ADCY2: variants seen among roughly 807,000 people sequenced by gnomAD.
The protein encoded by ADCY2 is adenylate cyclase type 2.
Under a neutral mutation model 125.2 loss-of-function variants are expected in ADCY2, and 31 were observed. The ratio of observed to expected loss-of-function variants is 0.25; its 90% CI spans 0.19 to 0.33. The LOEUF is 0.33. Ranked by LOEUF, ADCY2 falls within the 10% of genes least tolerant of loss-of-function variation. The probability of loss-of-function intolerance (pLI) is 1.00; values close to 1 mark genes in which losing one functional copy is unlikely to be tolerated. For synonymous variants in ADCY2, 512 were observed against 548.4 expected (o/e 0.93, Z 0.93); for missense variants, 904 against 1,418.2 (o/e 0.64, Z 5.82).
At chr5:7,445,073 A>C (rs966910697) in intron 2 of ADCY2, among the ~76,000 whole-genome samples, 1 of 152,212 alleles carries the variant, frequency 6.6e-6, no homozygotes, top group Non-Finnish European at 1.5e-5. Context: ...GATGTTTTGC[A>C]TACAGAAGTT....
intron 2 of ADCY2, among the ~76,000 whole-genome samples, chr5:7,518,111 A>C (rs1744315517): frequency 6.6e-6 from 1 of 152,184 alleles, no homozygotes; most frequent in African/African-American, 2.4e-5. Context: ...AATACACAAC[A>C]ATTGATTTTC....
intron 3 of ADCY2, among the ~76,000 whole-genome samples, chr5:7,543,648 A>T (rs1735061887): frequency 6.6e-6 from 1 of 152,120 alleles, no homozygotes; most frequent in Non-Finnish European, 1.5e-5. Context: ...AGAGGTGCAT[A>T]TCATCTTAGA....
intron 3 of ADCY2, among the ~76,000 whole-genome samples, chr5:7,573,482 G>A (rs970820286): frequency 6.6e-6 from 1 of 151,296 alleles, no homozygotes; most frequent in Non-Finnish European, 1.5e-5. Context: ...GAAAAGATGT[G>A]TATGTGACTA....
intron 22 of ADCY2, among the ~76,000 whole-genome samples, chr5:7,805,488 G>A (rs1340483833): frequency 2.0e-5 from 3 of 152,094 alleles, no homozygotes; most frequent in Non-Finnish European, 4.4e-5. Context: ...CAGCATGTAT[G>A]TAGACATGCT....
chr5:7,707,609 T>G, intron 8 of ADCY2, 97 bp from the exon 9 acceptor site: 1 of 1,444,490 alleles, frequency 6.9e-7, no homozygotes, highest in Non-Finnish European at 9.5e-7. Context: ...CTAAGAACTT[T>G]AGTGGATAAA....
intron 20 of ADCY2, among the ~76,000 whole-genome samples, chr5:7,790,754 GACTCCAATACTGA>G (rs1186458403): frequency 4.6e-5 from 7 of 152,284 alleles, no homozygotes; most frequent in Non-Finnish European, 7.4e-5. Context: ...GAGTTTTGAA[GACTCCAATACTGA>G]AAGGGGAAAG....
intron 4 of ADCY2, among the ~76,000 whole-genome samples, chr5:7,630,795 T>C: frequency 6.6e-6 from 1 of 150,766 alleles, no homozygotes; most frequent in East Asian, 1.9e-4. Flanking sequence ...TGTCTTTTTT[T>C]TTTTTTTTTG....
chr5:7,709,507 C>G lies in ADCY2; in HGVS notation c.1578+120C>G. 8.2e-7 allele frequency: 1 copy of G among 1,214,528 alleles called. No individual in the cohort carries two copies. The allele number at this position is 1,214,528 out of a possible 1,614,324, so 75.2% of individuals were successfully genotyped here. On this transcript the variant is annotated intron_variant, in intron 10 of 24. Coordinates refer to ENST00000338316, the MANE Select transcript of ADCY2 (RefSeq NM_020546.3). This position sits in a 1 kb window ranked among gnomAD's most constrained non-coding sequence, Gnocchi z 4.4. ...CTGTAAGAAACAAACTTATCACCTTCTTCTTCTCAGAGAGGCCCTTATGAA... is the reference window on the plus strand; with the variant it reads ...CTGTAAGAAACAAACTTATCACCTTGTTCTTCTCAGAGAGGCCCTTATGAA...
intron 2 of ADCY2, among the ~76,000 whole-genome samples, chr5:7,421,831 C>A (rs1487080828): frequency 6.6e-6 from 1 of 152,142 alleles, no homozygotes; most frequent in Non-Finnish European, 1.5e-5. Context: ...CAGGTTGGTG[C>A]AAAAGTAATT....
intron 17 of ADCY2, among the ~76,000 whole-genome samples, chr5:7,769,557 T>C (rs1427946794): frequency 6.6e-6 from 1 of 152,238 alleles, no homozygotes; most frequent in Non-Finnish European, 1.5e-5. Context: ...TATTTTTATA[T>C]ATATCCTTTC....
chr5:7,601,571 G>A (rs1000185216), intron 3 of ADCY2, among the ~76,000 whole-genome samples: 3 of 152,132 alleles, frequency 2.0e-5, no homozygotes, highest in African/African-American at 7.2e-5. Flanking sequence ...GCCTTAAAGA[G>A]AATAAGAAAC....
At chr5:7,801,758 A>G (rs1425000022) in intron 20 of ADCY2, 1 of 156,214 alleles carries the variant, frequency 6.4e-6, no homozygotes, top group African/African-American at 2.4e-5. Flanking sequence ...CTGGTGTAAT[A>G]AGAAGTAACT....
intron 1 of ADCY2, among the ~76,000 whole-genome samples, chr5:7,403,586 C>T (rs1363128922): frequency 6.6e-5 from 10 of 152,094 alleles, no homozygotes; most frequent in Admixed American, 5.9e-4. Flanking sequence ...ACTAGAATAT[C>T]TCTAGTTAGG....
intron 19 of ADCY2, among the ~76,000 whole-genome samples, chr5:7,786,140 T>C (rs1744076523): frequency 1.3e-5 from 2 of 152,226 alleles, no homozygotes; most frequent in South Asian, 4.1e-4. Context: ...ATAACCATTC[T>C]TTAACACCAG....
chr5:7,753,432 C>T (rs1742889649), intron 15 of ADCY2, among the ~76,000 whole-genome samples: 1 of 152,188 alleles, frequency 6.6e-6, no homozygotes, highest in Non-Finnish European at 1.5e-5. Flanking sequence ...AAGAAAATGA[C>T]TCCACTGACT....
rs1744049921 is a variant in ADCY2, at chr5:7,785,369, A to G, written c.2469+920A>G. ...ACAACTGTCCTCTAGCTTCCCAAGC[A>G]GTGTGAGCTGCATCCTCCGTAGGAG... On this transcript the variant is annotated intron_variant, in intron 19 of 24. Transcript: ENST00000338316. Among the ~76,000 whole-genome samples the G allele has an allele frequency of 2.0e-5, 3 of 152,212 alleles. 1 individual carries two copies. In the South Asian group the frequency reaches 6.2e-4, roughly 32 times the overall value.
rs149499160 is a variant in ADCY2, at chr5:7,757,302, G to A, written c.1957-147G>A. The A allele has an allele frequency of 4.7e-5, 47 of 999,434 alleles. No individual in the cohort carries two copies. The African/African-American group carries it at 5.0e-4, about 11-fold the overall frequency. 61.9% of individuals were successfully genotyped at this position (999,434 alleles called of 1,614,324 possible). On this transcript the variant is annotated intron_variant, in intron 15 of 24. Coordinates refer to ENST00000338316, the MANE Select transcript of ADCY2 (RefSeq NM_020546.3). ...TAATTTTAATAAGGTTTGTGACTTC[G>A]TATGGGTCCCCAGGGGAGGATAGAA...
rs1381661679 is a variant in ADCY2 at position 7,709,655 on chromosome 5, TACA to T, written c.1578+271_1578+273del. Among the ~76,000 whole-genome samples, 1 of 152,210 alleles carries T rather than the reference TACA, an allele frequency of 6.6e-6. No homozygotes were observed. Among genetic ancestry groups the T allele is most frequent in the Non-Finnish European group, 1.5e-5 (1 of 68,040 alleles). On this transcript the variant is annotated intron_variant, in intron 10 of 24. Transcript: ENST00000338316. This position sits in a 1 kb window ranked among gnomAD's most constrained non-coding sequence, Gnocchi z 4.4. Reference sequence around the variant, plus strand: ...TTTACAACTGATAGTAGCAATTAAATACAACTATTTATTAATTGAGGGGTTTTT... The same window carrying T: ...TTTACAACTGATAGTAGCAATTAAATACTATTTATTAATTGAGGGGTTTTT...
At chr5:7,667,792 C>T (rs574004751) in intron 4 of ADCY2, among the ~76,000 whole-genome samples, 3 of 152,186 alleles carry the variant, frequency 2.0e-5, no homozygotes, top group Non-Finnish European at 4.4e-5. Flanking sequence ...AACCTCCCTC[C>T]CTCTATTAAG....
Sources: gnomAD v4.1 joint callset for allele counts (sites outside exome capture counted in the v4.1 genomes callset) on GRCh38, gnomAD v4.1.1 for gene constraint, Gnocchi (gnomAD v3.1) non-coding constraint, MANE v1.5 for transcripts, NCBI Gene and HGNC (gene_info 2026-07-23, HGNC 2026-07-21) for gene names.